MYRIP: variants seen among roughly 807,000 people sequenced by gnomAD.
MYRIP encodes myosin VIIA and Rab interacting protein.
In MYRIP, 49 loss-of-function variants were observed where a neutral mutation model predicts 98.0. The observed-to-expected ratio is 0.50, with a 90% CI of 0.40 to 0.63. MYRIP has a LOEUF of 0.63. Among genes scored for constraint, MYRIP ranks in the 30% least tolerant of loss-of-function variants. The pLI, the probability that MYRIP is intolerant of heterozygous loss-of-function variation, is 0.00. For missense variants in MYRIP, 1,004 were observed against 1,058.2 expected, an observed-to-expected ratio of 0.95 and a Z score of 0.71; for synonymous variants, 404 against 409.5, an observed-to-expected ratio of 0.99 and a Z score of 0.16.
At chr3:40,032,262 G>A (rs1045336300) in intron 2 of MYRIP, among the ~76,000 whole-genome samples, 8 of 152,092 alleles carry the variant, frequency 5.3e-5, no homozygotes, top group South Asian at 2.1e-4. Flanking sequence ...TAGTCATTCA[G>A]GAGCAGGTTG....
At position 39,903,940 on chromosome 3, in the gene MYRIP, TG is replaced by T. The variant is rs531592462; in HGVS notation, c.110+3015del. Among the ~76,000 whole-genome samples the T allele has an allele frequency of 1.2e-3, 189 of 152,342 alleles. 1 individual carries two copies. Among genetic ancestry groups the T allele is most frequent in the African/African-American group, 4.2e-3 (175 of 41,592 alleles). The stretch of plus-strand genomic sequence containing the variant: ...TTATCCAACTATCTTTTTTCTACAA[TG>T]TGTTCAAATCAGAATCCAAACAAGG... On this transcript the variant is annotated intron_variant, in intron 2 of 16. Transcript: ENST00000302541.
intron 1 of MYRIP, among the ~76,000 whole-genome samples, chr3:39,848,111 G>A (rs1026120193): frequency 9.2e-5 from 14 of 152,276 alleles, no homozygotes; most frequent in South Asian, 2.1e-4. Context: ...TGTTATAGAC[G>A]CCAGACTGTG....
chr3:40,173,125 A>C (rs186244847), intron 8 of MYRIP: 1 of 152,352 alleles, frequency 6.6e-6, no homozygotes, highest in Admixed American at 6.5e-5. Flanking sequence ...TATCTATAGT[A>C]ATAACACAGG....
At chr3:40,061,629 T>C (rs57817574) in intron 3 of MYRIP, among the ~76,000 whole-genome samples, 69,500 of 152,020 alleles carry the variant, frequency 0.46, 15,926 homozygotes, top group East Asian at 0.56. Flanking sequence ...TGAATGGTAG[T>C]TCTGTTTTTA....
chr3:39,863,824 C>A (rs1336606672), intron 1 of MYRIP, among the ~76,000 whole-genome samples: 1 of 152,048 alleles, frequency 6.6e-6, no homozygotes, highest in Non-Finnish European at 1.5e-5. Context: ...GACACCAAAA[C>A]CCAGCAGGGA....
At chr3:40,249,580 G>C (rs868707993) in intron 13 of MYRIP, among the ~76,000 whole-genome samples, 5 of 152,160 alleles carry the variant, frequency 3.3e-5, no homozygotes, top group Non-Finnish European at 7.3e-5. Flanking sequence ...GACAGGGGAG[G>C]ACCAGGGTTC....
chr3:40,131,276 C>A (rs1424663741), intron 3 of MYRIP, among the ~76,000 whole-genome samples: 1 of 152,026 alleles, frequency 6.6e-6, no homozygotes, highest in East Asian at 1.9e-4. Flanking sequence ...CATTCTGTAC[C>A]AACTCTTATC....
At chr3:40,172,660 G>T (rs1343165604) in intron 8 of MYRIP, among the ~76,000 whole-genome samples, 1 of 152,110 alleles carries the variant, frequency 6.6e-6, no homozygotes, top group African/African-American at 2.4e-5. Flanking sequence ...AAGGCTCCAG[G>T]CCCAGAGAGC....
chr3:40,109,574 C>T (rs1949118240), intron 3 of MYRIP, among the ~76,000 whole-genome samples: 1 of 152,152 alleles, frequency 6.6e-6, no homozygotes, highest in African/African-American at 2.4e-5. Flanking sequence ...TGCTTGGGGC[C>T]AGGAGTTTCA....
chr3:39,846,500 G>A (rs1010544779), intron 1 of MYRIP, among the ~76,000 whole-genome samples: 3 of 152,034 alleles, frequency 2.0e-5, no homozygotes, highest in Admixed American at 2.0e-4. Context: ...TCTCTCCCAA[G>A]TAGATGCTGT....
At chr3:39,873,573 C>T (rs1942877181) in intron 1 of MYRIP, among the ~76,000 whole-genome samples, 3 of 152,192 alleles carry the variant, frequency 2.0e-5, no homozygotes, top group Admixed American at 6.5e-5. Flanking sequence ...CCAGTTTTCC[C>T]AGCACCATTT....
At chr3:40,167,335 T>G in intron 7 of MYRIP, 96 bp downstream of exon 7, 79 of 1,096,712 alleles carry the variant, frequency 7.2e-5, no homozygotes, top group Non-Finnish European at 9.4e-5. Context: ...GGAGTGTCTC[T>G]AGCACTGTAT....
chr3:39,977,764 C>T (rs1209966767), intron 2 of MYRIP, among the ~76,000 whole-genome samples: 3 of 152,104 alleles, frequency 2.0e-5, no homozygotes, highest in African/African-American at 7.2e-5. Context: ...ACCTTCTGCC[C>T]TCCTCCTTTG....
At chr3:39,894,199 A>G (rs1943551594) in intron 1 of MYRIP, among the ~76,000 whole-genome samples, 1 of 152,360 alleles carries the variant, frequency 6.6e-6, no homozygotes, top group Admixed American at 6.5e-5. Flanking sequence ...TGCATAAATC[A>G]TAAGTATATA....
chr3:40,184,022 G>T (rs1431249971), intron 9 of MYRIP, among the ~76,000 whole-genome samples: 1 of 152,198 alleles, frequency 6.6e-6, no homozygotes, highest in Non-Finnish European at 1.5e-5. Context: ...AAACTGCAGT[G>T]CCATGACATT....
Position 40,045,582 on chromosome 3 carries a change from T to C in MYRIP, c.332+1311T>C, listed in dbSNP as rs549981584. Among the ~76,000 whole-genome samples the C allele has an allele frequency of 4.1e-4, 63 of 152,344 alleles. 1 individual carries two copies. The highest frequency in any genetic ancestry group is 1.5e-3 in the African/African-American group (61 of 41,572). ...AAGGTGGGGTAAGCCAAATTCATCA[T>C]GTAACACGTTTAAGGATTACGTGAC... On this transcript the variant is annotated intron_variant, in intron 3 of 16. Transcript: ENST00000302541.
chr3:39,860,057 A>G (rs530813681), intron 1 of MYRIP, among the ~76,000 whole-genome samples: 1 of 152,252 alleles, frequency 6.6e-6, no homozygotes, highest in Non-Finnish European at 1.5e-5. Flanking sequence ...AAAAAGAAGT[A>G]TAATTATTTC....
intron 1 of MYRIP, among the ~76,000 whole-genome samples, chr3:39,832,569 A>G (rs1190933426): frequency 6.6e-6 from 1 of 152,206 alleles, no homozygotes; most frequent in Non-Finnish European, 1.5e-5. Flanking sequence ...AGCACGTAAC[A>G]CTCATTTCTT....
At chr3:40,159,489 C>T (rs1209390690) in intron 4 of MYRIP, among the ~76,000 whole-genome samples, 9 of 151,696 alleles carry the variant, frequency 5.9e-5, no homozygotes, top group Admixed American at 1.3e-4. Flanking sequence ...TTGCTCTTCT[C>T]GAGGAGTATC....
Sources: gnomAD v4.1 joint callset for allele counts (sites outside exome capture counted in the v4.1 genomes callset) on GRCh38, gnomAD v4.1.1 for gene constraint, MANE v1.5 for transcripts, NCBI Gene and HGNC (gene_info 2026-07-23, HGNC 2026-07-21) for gene names.